RPS6KA5: variants seen among roughly 807,000 people sequenced by gnomAD.
The protein encoded by RPS6KA5 is ribosomal protein S6 kinase alpha-5.
RPS6KA5 carries 27 observed loss-of-function variants against 85.5 expected under a neutral mutation model. The ratio of observed to expected loss-of-function variants is 0.32; its 90% CI spans 0.23 to 0.44. RPS6KA5 has a LOEUF of 0.44. Among genes scored for constraint, RPS6KA5 ranks in the 20% least tolerant of loss-of-function variants. The probability of loss-of-function intolerance (pLI) is 1.00; values close to 1 mark genes in which losing one functional copy is unlikely to be tolerated. For synonymous variants in RPS6KA5, 334 were observed against 348.2 expected (o/e 0.96, Z 0.46); for missense variants, 811 against 980.9 (o/e 0.83, Z 2.31).
At chr14:90,904,024 A>G (rs2035348766) in intron 8 of RPS6KA5, among the ~76,000 whole-genome samples, 1 of 150,304 alleles carries the variant, frequency 6.7e-6, no homozygotes, top group Non-Finnish European at 1.5e-5. Flanking sequence ...TCGGCTCACT[A>G]CTACAAGCTC....
chr14:91,059,243 G>C (rs1485035196), intron 1 of RPS6KA5, among the ~76,000 whole-genome samples: 1 of 149,048 alleles, frequency 6.7e-6, no homozygotes, highest in Non-Finnish European at 1.5e-5. Context: ...CGGAGGCTGA[G>C]GCAGGAGAAT....
Position 91,025,206 on chromosome 14 carries a change from G to A in RPS6KA5, c.104-24047C>T, listed in dbSNP as rs550198354. Among the ~76,000 whole-genome samples, 282 of 152,182 alleles carry A rather than the reference G, an allele frequency of 1.9e-3. 1 individual carries two copies. Among genetic ancestry groups the A allele is most frequent in the Admixed American group, 2.7e-3 (42 of 15,288 alleles). ...ACTACAGGCGCCTGCCACCATGCTC[G>A]GCTAATTTTTGTATTTTTAGTAGAG... On this transcript the variant is annotated intron_variant, in intron 1 of 16. Transcript: ENST00000614987.
At chr14:90,979,659 G>T (rs986920272) in intron 2 of RPS6KA5, among the ~76,000 whole-genome samples, 1 of 152,258 alleles carries the variant, frequency 6.6e-6, no homozygotes, top group Non-Finnish European at 1.5e-5. Flanking sequence ...ATGTGCAAGA[G>T]ATCAGTGAAA....
At position 91,060,075 on chromosome 14, in the gene RPS6KA5, G is replaced by C. The variant is rs1262688705; in HGVS notation, c.103+257C>G. 7 of 985,282 alleles carry C rather than the reference G, an allele frequency of 7.1e-6. No individual in the cohort carries two copies. In the Admixed American group the frequency reaches 3.1e-4, roughly 43 times the overall value. 61.0% of individuals were successfully genotyped at this position (985,282 alleles called of 1,614,324 possible). On this transcript the variant is annotated intron_variant, in intron 1 of 16. Transcript: ENST00000614987. ...GAGGTGCGTGCCACGGGCAGCGGTC[G>C]GCGGCTGCGCTGGCCCCGATGCCTG...
intron 3 of RPS6KA5, among the ~76,000 whole-genome samples, chr14:90,959,628 A>T (rs2038695783): frequency 6.6e-6 from 1 of 152,190 alleles, no homozygotes; most frequent in South Asian, 2.1e-4. Flanking sequence ...TGCCTGACTA[A>T]TAGTACAAGC....
rs1237129409 is a variant in RPS6KA5 at position 90,861,592 on chromosome 14, A to C, written c.*10482T>G. On this transcript the variant is annotated 3_prime_UTR_variant, in exon 17 of 17. Coordinates refer to ENST00000614987, the MANE Select transcript of RPS6KA5 (RefSeq NM_004755.4). ...GAGATAAAACATACATAGAATGTAG[A>C]AGTAAAATACATGACAACAATAACA... 1 of 151,928 alleles carries C rather than the reference A, an allele frequency of 6.6e-6. No homozygotes were observed. The highest frequency in any genetic ancestry group is 1.5e-5 in the Non-Finnish European group (1 of 67,998). The allele number at this position is 151,928 out of a possible 1,614,324, so 9.4% of individuals were successfully genotyped here.
At chr14:91,051,059 C>T (rs2043058669) in intron 1 of RPS6KA5, among the ~76,000 whole-genome samples, 1 of 151,996 alleles carries the variant, frequency 6.6e-6, no homozygotes, top group East Asian at 1.9e-4. Context: ...GAAACCCCAC[C>T]TCTACCAAAA....
chr14:91,053,153 C>T (rs2043165624), intron 1 of RPS6KA5, among the ~76,000 whole-genome samples: 1 of 152,004 alleles, frequency 6.6e-6, no homozygotes, highest in Non-Finnish European at 1.5e-5. Context: ...TGACAAAATC[C>T]AGCACTCTTT....
chr14:90,918,293 T>C (rs1334089037), intron 7 of RPS6KA5, among the ~76,000 whole-genome samples: 2 of 152,186 alleles, frequency 1.3e-5, no homozygotes, highest in Admixed American at 1.3e-4. Flanking sequence ...AAGGTGTTGA[T>C]AGTCTTTTCA....
intron 1 of RPS6KA5, among the ~76,000 whole-genome samples, chr14:91,047,675 C>T (rs575680558): frequency 5.6e-4 from 86 of 152,304 alleles, no homozygotes; most frequent in African/African-American, 1.8e-3. Flanking sequence ...ATAAACCTCA[C>T]GGCTTACTAA....
At chr14:90,902,668 A>G (rs891400169) in intron 9 of RPS6KA5, 140 bp downstream of exon 9, 5 of 665,400 alleles carry the variant, frequency 7.5e-6, no homozygotes, top group African/African-American at 3.7e-5. Context: ...AATGTGCAAT[A>G]TTTCTGCATT....
Position 90,859,988 on chromosome 14 carries a change from CATT to C in RPS6KA5, c.*12083_*12085del, listed in dbSNP as rs1270918334. On this transcript the variant is annotated 3_prime_UTR_variant, in exon 17 of 17. Coordinates refer to ENST00000614987, the MANE Select transcript of RPS6KA5 (RefSeq NM_004755.4). Reference sequence around the variant, plus strand: ...GGGTTGGGGGCTAGGGGAGGGATAACATTAGGAGAAATACCTAATTTGGTGACA... The same window carrying C: ...GGGTTGGGGGCTAGGGGAGGGATAACAGGAGAAATACCTAATTTGGTGACA... The C allele has an allele frequency of 1.3e-5, 2 of 152,124 alleles. No homozygotes were observed. The highest frequency in any genetic ancestry group is 2.4e-5 in the African/African-American group (1 of 41,402). 9.4% of individuals were successfully genotyped at this position (152,124 alleles called of 1,614,324 possible). A position where few individuals can be genotyped will look rare whatever the true frequency, so the allele number is the denominator to read the frequency against.
chr14:90,984,632 G>A (rs2039981399), intron 2 of RPS6KA5, among the ~76,000 whole-genome samples: 1 of 152,204 alleles, frequency 6.6e-6, no homozygotes, highest in African/African-American at 2.4e-5. Flanking sequence ...CAAAGGAAGT[G>A]TCATAGAAAA....
chr14:91,060,498 GT>G lies in RPS6KA5; in HGVS notation c.-65del, dbSNP rs2140001808. On this transcript the variant is annotated 5_prime_UTR_variant, in exon 1 of 17. Coordinates refer to ENST00000614987, the MANE Select transcript of RPS6KA5 (RefSeq NM_004755.4). Reference sequence around the variant, plus strand: ...GGAACCCAGGAGACAGCGGACGCCCGTCCCCTCGCAGCCGCTGCCGCGGCCC... The same window carrying G: ...GGAACCCAGGAGACAGCGGACGCCCGCCCCTCGCAGCCGCTGCCGCGGCCC... The G allele has an allele frequency of 7.8e-7, 1 of 1,282,306 alleles. No homozygotes were observed. Among genetic ancestry groups the G allele is most frequent in the African/African-American group, 1.5e-5 (1 of 64,718 alleles). The allele number at this position is 1,282,306 out of a possible 1,614,324, so 79.4% of individuals were successfully genotyped here. A position where few individuals can be genotyped will look rare whatever the true frequency, so the allele number is the denominator to read the frequency against.
chr14:90,850,764 C>T lies in RPS6KA5; in HGVS notation c.*21310G>A, dbSNP rs559376384. 10 of 152,314 alleles carry T rather than the reference C, an allele frequency of 6.6e-5. No individual in the cohort carries two copies. The East Asian group carries it at 1.7e-3, about 26-fold the overall frequency. The allele number at this position is 152,314 out of a possible 1,614,324, so 9.4% of individuals were successfully genotyped here. A position where few individuals can be genotyped will look rare whatever the true frequency, so the allele number is the denominator to read the frequency against. The stretch of plus-strand genomic sequence containing the variant: ...TAAGGCTCCTAAACTCTAAGATTCT[C>T]GTATGTGCTGAAAACACTGCTATGA... On this transcript the variant is annotated 3_prime_UTR_variant, in exon 17 of 17. Coordinates refer to ENST00000614987, the MANE Select transcript of RPS6KA5 (RefSeq NM_004755.4).
At chr14:91,028,979 A>G (rs558859133) in intron 1 of RPS6KA5, among the ~76,000 whole-genome samples, 48 of 152,322 alleles carry the variant, frequency 3.2e-4, no homozygotes, top group African/African-American at 1.1e-3. Context: ...ACACAAAGAA[A>G]AATATCTATT....
intron 4 of RPS6KA5, among the ~76,000 whole-genome samples, chr14:90,946,866 T>G (rs1184087078): frequency 6.6e-6 from 1 of 152,224 alleles, no homozygotes; most frequent in Non-Finnish European, 1.5e-5. Flanking sequence ...TGTTACAGTT[T>G]GCATAGGGTC....
At chr14:90,901,908 AC>A (rs2035190905) in intron 9 of RPS6KA5, among the ~76,000 whole-genome samples, 1 of 152,230 alleles carries the variant, frequency 6.6e-6, no homozygotes, top group Non-Finnish European at 1.5e-5. Flanking sequence ...GTTGAGGGGC[AC>A]GGTGGCTCAT....
At chr14:90,896,215 G>A (rs538576199) in intron 12 of RPS6KA5, among the ~76,000 whole-genome samples, 1 of 152,310 alleles carries the variant, frequency 6.6e-6, no homozygotes, top group East Asian at 1.9e-4. Flanking sequence ...TGCTACAACT[G>A]TAGGCTGGTG....
Sources: gnomAD v4.1 joint callset for allele counts (sites outside exome capture counted in the v4.1 genomes callset) on GRCh38, gnomAD v4.1.1 for gene constraint, MANE v1.5 for transcripts, NCBI Gene and HGNC (gene_info 2026-07-23, HGNC 2026-07-21) for gene names.